The following FANCD2 variants were observed in gnomAD, a reference collection of about 807,000 sequenced individuals.
FANCD2 encodes Fanconi anemia group D2 protein.
FANCD2 carries 131 observed loss-of-function variants against 192.3 expected under a neutral mutation model. That is an observed-to-expected ratio of 0.68 (90% CI 0.59 to 0.79). FANCD2 has a LOEUF of 0.79. FANCD2 is among the 30% of genes least tolerant of loss of function. The pLI is 0.00. For synonymous variants in FANCD2, 524 were observed against 612.5 expected, an observed-to-expected ratio of 0.86 and a Z score of 2.13; for missense variants, 1,508 against 1,701.6, an observed-to-expected ratio of 0.89 and a Z score of 2.00.
chr3:10,066,044 T>C, intron 25 of FANCD2, 65 bp downstream of exon 25: 1 of 1,036,006 alleles, frequency 9.7e-7, no homozygotes, highest in Non-Finnish European at 1.5e-6. Flanking sequence ...ATTTTCTTAG[T>C]TCCCACAAGA....
At chr3:10,081,055 C>T (rs185020025) in intron 30 of FANCD2, 45 bp from the exon 31 acceptor site, 60 of 1,612,402 alleles carry the variant, frequency 3.7e-5, no homozygotes, top group Middle Eastern at 1.7e-4. Flanking sequence ...GTTTCTGAGA[C>T]GCTATCCAGC....
chr3:10,030,005 T>C (rs759048793), intron 2 of FANCD2, among the ~76,000 whole-genome samples: 2 of 152,070 alleles, frequency 1.3e-5, no homozygotes, highest in Non-Finnish European at 2.9e-5. Context: ...AGGGGCTGTC[T>C]GGAACTCCTG....
At chr3:10,035,462 T>G (rs2086704880) in intron 6 of FANCD2, among the ~76,000 whole-genome samples, 1 of 152,216 alleles carries the variant, frequency 6.6e-6, no homozygotes, top group South Asian at 2.1e-4. Flanking sequence ...TCTCTCTGCA[T>G]CTGATTCCTG....
At chr3:10,048,717 C>T (rs1284765921) in intron 16 of FANCD2, among the ~76,000 whole-genome samples, 1 of 152,168 alleles carries the variant, frequency 6.6e-6, no homozygotes, top group African/African-American at 2.4e-5. Flanking sequence ...TATATTCTTC[C>T]TGTCATTAAC....
At chr3:10,070,428 C>T (rs1175626774) in intron 26 of FANCD2, among the ~76,000 whole-genome samples, 1 of 114,584 alleles carries the variant, frequency 8.7e-6, no homozygotes. Context: ...AGGTGAGGGG[C>T]GCCTCTGCCC....
rs1559383160 is a variant in FANCD2 at position 10,054,396 on chromosome 3, C to CAT, written c.1656+1899_1656+1900insAT. Among the ~76,000 whole-genome samples the CAT allele has an allele frequency of 1.5e-4, 12 of 79,254 alleles. 2 individuals carry two copies. Among genetic ancestry groups the CAT allele is most frequent in the African/African-American group, 7.9e-4 (12 of 15,170 alleles). 52.0% of individuals were successfully genotyped at this position (79,254 alleles called of 152,430 possible). A position where few individuals can be genotyped will look rare whatever the true frequency, so the allele number is the denominator to read the frequency against. ...GTATATACATATATATATGTATATACGTATATGTATATACGTATATACATA... is the reference window on the plus strand; with the variant it reads ...GTATATACATATATATATGTATATACATGTATATGTATATACGTATATACATA... On this transcript the variant is annotated intron_variant, in intron 18 of 43. Transcript: ENST00000675286.
intron 42 of FANCD2, among the ~76,000 whole-genome samples, chr3:10,097,019 G>A (rs1272806175): frequency 6.6e-6 from 1 of 152,138 alleles, no homozygotes; most frequent in Non-Finnish European, 1.5e-5. Flanking sequence ...GACATCACAC[G>A]TTGATAGGAT....
chr3:10,059,038 A>G (rs185391313), intron 18 of FANCD2, among the ~76,000 whole-genome samples: 3 of 152,114 alleles, frequency 2.0e-5, no homozygotes, highest in Admixed American at 2.0e-4. Flanking sequence ...TTTTGAGACA[A>G]TGTCTGGCTC....
intron 1 of FANCD2, among the ~76,000 whole-genome samples, chr3:10,027,563 C>T (rs542501883): frequency 6.6e-6 from 1 of 152,286 alleles, no homozygotes; most frequent in African/African-American, 2.4e-5. Flanking sequence ...TTCTCCTACC[C>T]CTTCTACTGG....
chr3:10,081,319 C>T (rs1286236264), intron 31 of FANCD2, 27 bp from the exon 32 acceptor site: 1 of 1,607,340 alleles, frequency 6.2e-7, no homozygotes, highest in East Asian at 2.2e-5. Flanking sequence ...ACTGAAGCAA[C>T]TGTCCTAAAA....
At chr3:10,047,832 C>T in intron 15 of FANCD2, 85 bp from the exon 16 acceptor site, 2 of 1,545,614 alleles carry the variant, frequency 1.3e-6, no homozygotes, top group Admixed American at 1.7e-5. Context: ...AGAAGTCTGA[C>T]ATTCCAAAAG....
rs1221998060 is a variant in FANCD2, at chr3:10,052,391, T to C, written c.1550T>C (p.Ile517Thr). Residue 517 changes from isoleucine to threonine, a missense_variant, in exon 18 of 44, where the codon ATT becomes ACT. This residue lies in a region of FANCD2 where 110 missense variants were observed against 114.4 expected (regional missense o/e 0.96). Transcript: ENST00000675286. ...MMMNAVFVKG[I>T]LDYLDNISPQ... ...TTGGCATCATTTTTTCCACAGGGCA[T>C]TTTAGATTATCTGGATAACATATCC... 32 of 1,602,862 alleles carry C rather than the reference T, an allele frequency of 2.0e-5. No homozygotes were observed. The highest frequency in any genetic ancestry group is 2.3e-5 in the Non-Finnish European group (27 of 1,169,804).
intron 40 of FANCD2, chr3:10,094,753 A>G (rs1261844566): frequency 3.1e-6 from 1 of 322,900 alleles, no homozygotes; most frequent in Non-Finnish European, 5.9e-6. Flanking sequence ...TGCTGTGGTA[A>G]TGAACAGTCT....
rs538951619 is a variant in FANCD2, at chr3:10,078,914, A to C, written c.2976+717A>C. 4.0e-5 allele frequency among the ~76,000 whole-genome samples: 6 copies of C among 151,392 alleles called. No individual in the cohort carries two copies. The South Asian group carries it at 8.4e-4, about 21-fold the overall frequency. On this transcript the variant is annotated intron_variant, in intron 30 of 43. Transcript: ENST00000675286. ...CAGTGAGCTGAGATTGCACCAGTGC[A>C]CTCCAGTCTGGGTGACAGATTTCGT...
intron 14 of FANCD2, among the ~76,000 whole-genome samples, chr3:10,045,334 A>G (rs191508170): frequency 6.6e-6 from 1 of 151,834 alleles, no homozygotes; most frequent in Admixed American, 6.6e-5. Flanking sequence ...ACGCCCGGCT[A>G]ATTTTTTGTA....
At chr3:10,078,268 A>G (rs1444634141) in intron 30 of FANCD2, 71 bp downstream of exon 30, 5 of 1,040,382 alleles carry the variant, frequency 4.8e-6, no homozygotes, top group South Asian at 1.3e-5. Flanking sequence ...ATGATGAAAA[A>G]GTTGTCACTT....
At chr3:10,056,051 G>A (rs1250920785) in intron 18 of FANCD2, among the ~76,000 whole-genome samples, 2 of 151,930 alleles carry the variant, frequency 1.3e-5, no homozygotes, top group African/African-American at 4.8e-5. Context: ...GCTGATTTTT[G>A]TATTTTTAGT....
chr3:10,078,168 C>T lies in FANCD2; in HGVS notation c.2947C>T (p.Pro983Ser), dbSNP rs199898736. Residue 983 changes from proline (P) to serine (S), a missense_variant, in exon 30 of 44, where the codon CCT (proline) becomes TCT (serine). Pro to Ser is a moderately conservative substitution (Grantham distance 74, BLOSUM62 -1). Transcript: ENST00000675286. ...SQKLESMLTP[P>S]IARRVPFLKN... ...GAAGCTGGAGAGTATGCTGACACCTCCTATTGCCAGGAGAGTCCCCTTTCT... is the reference window on the plus strand; with the variant it reads ...GAAGCTGGAGAGTATGCTGACACCTTCTATTGCCAGGAGAGTCCCCTTTCT... 4 of 1,613,044 alleles carry T rather than the reference C, an allele frequency of 2.5e-6. No homozygotes were observed. The highest frequency in any genetic ancestry group is 2.2e-5 in the East Asian group (1 of 44,854).
intron 26 of FANCD2, among the ~76,000 whole-genome samples, chr3:10,070,571 G>A (rs527788333): frequency 6.9e-6 from 1 of 144,810 alleles, no homozygotes; most frequent in African/African-American, 2.6e-5. Context: ...CTGCCCGGCC[G>A]CCCCTACTGG....
Sources: allele counts gnomAD v4.1 joint callset (sites outside exome capture counted in the v4.1 genomes callset), GRCh38; gene constraint gnomAD v4.1.1; regional missense constraint gnomAD v4.1.1; transcripts MANE v1.5; gene names NCBI Gene and HGNC (gene_info 2026-07-23, HGNC 2026-07-21).